PTPRM: variants seen among roughly 807,000 people sequenced by gnomAD.
PTPRM encodes the protein receptor-type tyrosine-protein phosphatase mu.
A neutral mutation model predicts 186.7 loss-of-function variants in PTPRM; 47 were observed. That is an observed-to-expected ratio of 0.25 (90% CI 0.20 to 0.32). PTPRM has a LOEUF of 0.32. Ranked by LOEUF, PTPRM falls within the 10% of genes least tolerant of loss-of-function variation. The pLI is 1.00. For missense variants in PTPRM, 1,494 were observed against 1,865.0 expected (o/e 0.80, Z 3.66); for synonymous variants, 668 against 674.9 (o/e 0.99, Z 0.16).
At chr18:7,721,357 G>A (rs1311563299) in intron 1 of PTPRM, among the ~76,000 whole-genome samples, 1 of 151,744 alleles carries the variant, frequency 6.6e-6, no homozygotes, top group Non-Finnish European at 1.5e-5. Context: ...TTCTTCATAT[G>A]TTCTGTATAT....
chr18:8,106,602 G>C (rs757716001), intron 11 of PTPRM, among the ~76,000 whole-genome samples: 1 of 152,156 alleles, frequency 6.6e-6, no homozygotes, highest in Non-Finnish European at 1.5e-5. Context: ...TTTCAAGGAC[G>C]GGGCAGTCTG....
At chr18:8,186,932 C>T (rs985260762) in intron 14 of PTPRM, among the ~76,000 whole-genome samples, 1 of 150,520 alleles carries the variant, frequency 6.6e-6, no homozygotes, top group African/African-American at 2.5e-5. Flanking sequence ...GGAGGGCCTC[C>T]CTTGGGAAGA....
intron 14 of PTPRM, among the ~76,000 whole-genome samples, chr18:8,177,748 A>G (rs1281593888): frequency 6.6e-6 from 1 of 152,204 alleles, no homozygotes; most frequent in Non-Finnish European, 1.5e-5. Flanking sequence ...TAAATAGAGT[A>G]CATTTGGAAA....
At chr18:8,044,890 C>T (rs1043836033) in intron 7 of PTPRM, among the ~76,000 whole-genome samples, 5 of 152,156 alleles carry the variant, frequency 3.3e-5, no homozygotes, top group Admixed American at 3.3e-4. Context: ...AATTGAATCC[C>T]TCGTATATTG....
At chr18:7,762,591 C>T (rs1298125358) in intron 1 of PTPRM, among the ~76,000 whole-genome samples, 1 of 152,022 alleles carries the variant, frequency 6.6e-6, no homozygotes, top group African/African-American at 2.4e-5. Context: ...AGGGAGAGAG[C>T]ATTTTCAGCT....
intron 1 of PTPRM, among the ~76,000 whole-genome samples, chr18:7,756,052 C>G (rs1598529322): frequency 1.3e-5 from 2 of 152,164 alleles, no homozygotes; most frequent in East Asian, 3.9e-4. Context: ...CTGAGTGGAA[C>G]AGTAGATACT....
chr18:7,921,047 T>C lies in PTPRM; in HGVS notation c.548-5521T>C, dbSNP rs117286522. The stretch of plus-strand genomic sequence containing the variant: ...TCTTTGTCTTTGACCTTTGAGAGTC[T>C]AATCATTATATCTTTTGGGGTAGCC... On this transcript the variant is annotated intron_variant, in intron 4 of 32. Coordinates refer to ENST00000580170, the MANE Select transcript of PTPRM (RefSeq NM_001105244.2). Among the ~76,000 whole-genome samples the C allele has an allele frequency of 7.1e-3, 1,088 of 152,274 alleles. 8 individuals are homozygous for C. Among genetic ancestry groups the C allele is most frequent in the Middle Eastern group, 0.031 (9 of 294 alleles).
intron 5 of PTPRM, among the ~76,000 whole-genome samples, chr18:7,943,872 C>T (rs1247452506): frequency 2.6e-5 from 4 of 152,134 alleles, no homozygotes; most frequent in African/African-American, 9.7e-5. Context: ...TTAATCATAC[C>T]TGCAAACTCC....
At chr18:8,235,112 A>C (rs561602522) in intron 14 of PTPRM, among the ~76,000 whole-genome samples, 1 of 152,230 alleles carries the variant, frequency 6.6e-6, no homozygotes, top group East Asian at 1.9e-4. Context: ...GCTAGGAAGT[A>C]TTCTCTATTT....
chr18:8,120,019 AAACTTTTTATGTTAAGGG>A (rs2092111802), intron 13 of PTPRM, among the ~76,000 whole-genome samples: 1 of 152,262 alleles, frequency 6.6e-6, no homozygotes, highest in Non-Finnish European at 1.5e-5. Context: ...AGAGGTCAGC[AAACTTTTTATGTTAAGGG>A]CCAGATAATA....
chr18:8,355,752 A>G (rs1214819483), intron 23 of PTPRM, among the ~76,000 whole-genome samples: 1 of 152,204 alleles, frequency 6.6e-6, no homozygotes, highest in African/African-American at 2.4e-5. Context: ...ATTTCAGGAA[A>G]AGGGAAAAGA....
intron 2 of PTPRM, among the ~76,000 whole-genome samples, chr18:7,782,152 G>A (rs1012943654): frequency 5.3e-5 from 8 of 152,194 alleles, no homozygotes; most frequent in Non-Finnish European, 1.2e-4. Context: ...TCAGTGACCT[G>A]TGGGGAGCAC....
chr18:8,111,246 T>C (rs962977481), intron 11 of PTPRM, among the ~76,000 whole-genome samples: 7 of 152,208 alleles, frequency 4.6e-5, no homozygotes, highest in Admixed American at 4.6e-4. Flanking sequence ...AAGTTGTTTT[T>C]AAGTTGAAGT....
intron 2 of PTPRM, among the ~76,000 whole-genome samples, chr18:7,882,953 G>C (rs1446909853): frequency 6.6e-6 from 1 of 152,212 alleles, no homozygotes; most frequent in Non-Finnish European, 1.5e-5. Context: ...TTCACCCAGA[G>C]ATTTGAGAAT....
At chr18:8,082,490 T>TCTCCCTCCTTCTCTCC (rs2090182820) in intron 9 of PTPRM, among the ~76,000 whole-genome samples, 1 of 141,952 alleles carries the variant, frequency 7.0e-6, no homozygotes, top group Non-Finnish European at 1.5e-5. Flanking sequence ...TCCCTCCTTT[T>TCTCCCTCCTTCTCTCC]CTCCCTCCTT....
chr18:8,140,237 C>G (rs1600792378), intron 13 of PTPRM, among the ~76,000 whole-genome samples: 1 of 152,084 alleles, frequency 6.6e-6, no homozygotes, highest in Admixed American at 6.5e-5. Flanking sequence ...ACCCTTGGAT[C>G]TTCTGGGAAA....
chr18:7,642,666 G>A (rs539910363), intron 1 of PTPRM, among the ~76,000 whole-genome samples: 8 of 151,958 alleles, frequency 5.3e-5, no homozygotes, highest in Non-Finnish European at 1.0e-4. Context: ...GCAGCATTAT[G>A]TGTGGGTTAT....
chr18:7,875,517 G>A (rs2048195164), intron 2 of PTPRM, among the ~76,000 whole-genome samples: 1 of 151,858 alleles, frequency 6.6e-6, no homozygotes, highest in African/African-American at 2.4e-5. Flanking sequence ...GCAGAGACGG[G>A]GTTTCACCAT....
At chr18:8,113,884 T>A in intron 12 of PTPRM, 125 bp downstream of exon 12, 1 of 1,009,796 alleles carries the variant, frequency 9.9e-7, no homozygotes, top group South Asian at 2.1e-5. Context: ...ACAAATGTGA[T>A]TTTCTTCTCT....
Sources: gnomAD v4.1 joint callset for allele counts (sites outside exome capture counted in the v4.1 genomes callset) on GRCh38, gnomAD v4.1.1 for gene constraint, MANE v1.5 for transcripts, NCBI Gene and HGNC (gene_info 2026-07-23, HGNC 2026-07-21) for gene names.